Variants in ZNF233 observed in about 807,000 individuals in gnomAD.
ZNF233 encodes zinc finger protein 233.
Under a neutral mutation model 11.6 loss-of-function variants are expected in ZNF233, and 7 were observed. The observed-to-expected ratio is 0.60, with a 90% CI of 0.34 to 1.13. The LOEUF (loss-of-function observed/expected upper bound fraction) is 1.13, where lower values mean the gene tolerates loss of function less well. Ranked by LOEUF, ZNF233 falls within the 50% of genes most tolerant of loss-of-function variation. The pLI is 0.03. For synonymous variants in ZNF233, 226 were observed against 268.5 expected (o/e 0.84, Z 1.55); for missense variants, 711 against 785.5 (o/e 0.91, Z 1.13).
intron 4 of ZNF233, among the ~76,000 whole-genome samples, chr19:44,271,475 G>A (rs1462456336): frequency 6.6e-6 from 1 of 151,318 alleles, no homozygotes; most frequent in African/African-American, 2.4e-5. Flanking sequence ...CCAGGATTTT[G>A]TAGATTTTAT....
At chr19:44,263,446 AC>A (rs1974989001) in intron 1 of ZNF233, among the ~76,000 whole-genome samples, 1 of 152,224 alleles carries the variant, frequency 6.6e-6, no homozygotes, top group South Asian at 2.1e-4. Flanking sequence ...TGTTATTAGT[AC>A]TACAGTATTT....
At position 44,273,303 on chromosome 19, in the gene ZNF233, AG is replaced by A. The variant is rs1268908692; in HGVS notation, c.645del (p.Arg215SerfsTer30). On this transcript the variant is annotated frameshift_variant, in exon 5 of 5. Transcript: ENST00000683810. LOFTEE classifies it low-confidence loss of function (END_TRUNC). ...NKLCKCDHCV[R>X]QRIAHQHDDH... ...GCTCTGTAAATGTGATCATTGTGTT[AG>A]GCAAAGAATTGCTCATCAACATGAT... 39 of 1,614,020 alleles carry A rather than the reference AG, an allele frequency of 2.4e-5. No homozygotes were observed. The highest frequency in any genetic ancestry group is 1.6e-4 in the Middle Eastern group (1 of 6,084).
At position 44,275,167 on chromosome 19, in the gene ZNF233, G is replaced by A; in HGVS notation, c.*494G>A. Reference sequence around the variant, plus strand: ...TCCCTGGAATTGTTTAACTTGATAGGAAAAATCTATCATATATAGGACATA... The same window carrying A: ...TCCCTGGAATTGTTTAACTTGATAGAAAAAATCTATCATATATAGGACATA... On this transcript the variant is annotated 3_prime_UTR_variant, in exon 5 of 5. Coordinates refer to ENST00000683810, the MANE Select transcript of ZNF233 (RefSeq NM_001207005.2). 1 of 381,552 alleles carries A rather than the reference G, an allele frequency of 2.6e-6. No individual in the cohort carries two copies. Among genetic ancestry groups the A allele is most frequent in the Non-Finnish European group, 4.6e-6 (1 of 216,026 alleles). 23.6% of individuals were successfully genotyped at this position (381,552 alleles called of 1,614,324 possible). A position where few individuals can be genotyped will look rare whatever the true frequency, so the allele number is the denominator to read the frequency against.
chr19:44,260,116 C>G (rs550370731), intron 1 of ZNF233, 178 bp downstream of exon 1: 4 of 260,156 alleles, frequency 1.5e-5, no homozygotes, highest in South Asian at 1.2e-4. Flanking sequence ...GGCTCCTGGT[C>G]GCACGTTTGG....
rs769781632 is a variant in ZNF233 at position 44,274,334 on chromosome 19, T to C, written c.1674T>C (p.His558=). 6.8e-6 allele frequency: 11 copies of C among 1,611,176 alleles called. No individual in the cohort carries two copies. In the African/African-American group the frequency reaches 1.2e-4, roughly 18 times the overall value. ...ATCTCCAAGACCATCAGCAAGTCCATACTGGAGAGAATCCCTACAAATGTG... is the reference window on the plus strand; with the variant it reads ...ATCTCCAAGACCATCAGCAAGTCCACACTGGAGAGAATCCCTACAAATGTG... ...SSHLQDHQQV[H]TGENPYKCDV... The change falls in exon 5 of 5, where the codon CAT becomes CAC. Residue 558 remains histidine, a synonymous_variant. Coordinates refer to ENST00000683810, the MANE Select transcript of ZNF233 (RefSeq NM_001207005.2).
At chr19:44,267,676 C>T in intron 4 of ZNF233, 1 of 355,012 alleles carries the variant, frequency 2.8e-6, no homozygotes, top group Non-Finnish European at 5.0e-6. Flanking sequence ...GCCACTGTGC[C>T]CGGCATACAT....
intron 2 of ZNF233, among the ~76,000 whole-genome samples, chr19:44,264,950 T>TA (rs1171398607): frequency 1.3e-5 from 2 of 152,192 alleles, no homozygotes; most frequent in African/African-American, 4.8e-5. Flanking sequence ...AATATTTACT[T>TA]ACAAAAATTA....
Position 44,273,968 on chromosome 19 carries a change from T to G in ZNF233, c.1308T>G (p.Asn436Lys). 1 of 1,613,484 alleles carries G rather than the reference T, an allele frequency of 6.2e-7. No homozygotes were observed. The highest frequency in any genetic ancestry group is 8.5e-7 in the Non-Finnish European group (1 of 1,179,688). ...YKWEVSDRIF[N>K]RNSGLHQRVH... ...GGGAAGTAAGTGACAGGATATTTAA[T>G]AGGAATTCTGGTCTTCACCAGAGAG... The change falls in exon 5 of 5, where the codon AAT becomes AAG. Residue 436 changes from asparagine to lysine, a missense_variant. By Grantham distance (94) the Asn-to-Lys change is moderately conservative. Coordinates refer to ENST00000683810, the MANE Select transcript of ZNF233 (RefSeq NM_001207005.2).
Position 44,274,728 on chromosome 19 carries a change from A to T in ZNF233, c.*55A>T. The T allele has an allele frequency of 1.5e-6, 2 of 1,364,494 alleles. No homozygotes were observed. Among genetic ancestry groups the T allele is most frequent in the African/African-American group, 2.9e-5 (2 of 68,222 alleles). The allele number at this position is 1,364,494 out of a possible 1,614,324, so 84.5% of individuals were successfully genotyped here. ...GTGATAGGGGTGCTCTTCAAGACTT[A>T]GACTTCCCATTTTCCTCAGAAAATC... On this transcript the variant is annotated 3_prime_UTR_variant, in exon 5 of 5. Coordinates refer to ENST00000683810, the MANE Select transcript of ZNF233 (RefSeq NM_001207005.2).
rs45528835 is a variant in ZNF233 at position 44,275,178 on chromosome 19, C to T, written c.*505C>T. 0.067 allele frequency: 24,694 copies of T among 369,514 alleles called. 1,058 individuals are homozygous for T. The highest frequency in any genetic ancestry group is 0.16 in the East Asian group (4,018 of 25,302). 22.9% of individuals were successfully genotyped at this position (369,514 alleles called of 1,614,324 possible). On this transcript the variant is annotated 3_prime_UTR_variant, in exon 5 of 5. Transcript: ENST00000683810. ...GTTTAACTTGATAGGAAAAATCTAT[C>T]ATATATAGGACATATATTTGAATAT...
At chr19:44,265,976 A>G (rs531202935) in intron 2 of ZNF233, among the ~76,000 whole-genome samples, 1 of 152,246 alleles carries the variant, frequency 6.6e-6, no homozygotes, top group African/African-American at 2.4e-5. Context: ...TTAAATACAC[A>G]GGGGTTATTT....
In ZNF233 at chr19:44,274,374, G is replaced by T; in HGVS notation, c.1714G>T (p.Gly572Cys). The T allele has an allele frequency of 6.2e-7, 1 of 1,614,036 alleles. No individual in the cohort carries two copies. The highest frequency in any genetic ancestry group is 8.5e-7 in the Non-Finnish European group (1 of 1,180,014). Reference protein sequence around the residue: ...NPYKCDVCGKGFSWSSHLQAH... With the variant: ...NPYKCDVCGKCFSWSSHLQAH... ...CTACAAATGTGATGTGTGTGGGAAA[G>T]GCTTCAGTTGGAGTTCACATCTTCA... Residue 572 changes from glycine (G) to cysteine (C), a missense_variant, in exon 5 of 5, where the codon GGC becomes TGC. Transcript: ENST00000683810.
rs979844264 is a variant in ZNF233, at chr19:44,274,350, T to A, written c.1690T>A (p.Tyr564Asn). Reference protein sequence around the residue: ...HQQVHTGENPYKCDVCGKGFS... With the variant: ...HQQVHTGENPNKCDVCGKGFS... The stretch of plus-strand genomic sequence containing the variant: ...GCAAGTCCATACTGGAGAGAATCCC[T>A]ACAAATGTGATGTGTGTGGGAAAGG... Residue 564 changes from tyrosine to asparagine, a missense_variant, in exon 5 of 5, where the codon TAC (tyrosine) becomes AAC (asparagine). Coordinates refer to ENST00000683810, the MANE Select transcript of ZNF233 (RefSeq NM_001207005.2). 33 of 1,614,010 alleles carry A rather than the reference T, an allele frequency of 2.0e-5. No homozygotes were observed. The highest frequency in any genetic ancestry group is 2.8e-5 in the Non-Finnish European group (33 of 1,179,980).
chr19:44,274,132 G>A lies in ZNF233; in HGVS notation c.1472G>A (p.Arg491His), dbSNP rs781325188. The change falls in exon 5 of 5, where the codon CGT becomes CAT. Residue 491 changes from arginine to histidine, a missense_variant. Arg to His is a conservative substitution (Grantham distance 29). Coordinates refer to ENST00000683810, the MANE Select transcript of ZNF233 (RefSeq NM_001207005.2). ...KCDVCDKNFS[R>H]NSHLQAHQRV... ...GATGTGTGTGATAAGAACTTCAGCC[G>A]TAATTCCCACCTTCAGGCCCATCAG... is the stretch of plus-strand genomic sequence containing the variant. 26 of 1,613,412 alleles carry A rather than the reference G, an allele frequency of 1.6e-5. No homozygotes were observed. Among genetic ancestry groups the A allele is most frequent in the South Asian group, 6.6e-5 (6 of 91,056 alleles).
intron 1 of ZNF233, 165 bp downstream of exon 1, chr19:44,260,103 A>G: frequency 3.9e-6 from 1 of 259,098 alleles, no homozygotes; most frequent in Non-Finnish European, 8.0e-6. Context: ...CCAAGTTGGG[A>G]ATGGCTCCTG....
rs776284890 is a variant in ZNF233 at position 44,274,595 on chromosome 19, GA to G, written c.1938del (p.Lys646AsnfsTer60). 17 of 1,613,638 alleles carry G rather than the reference GA, an allele frequency of 1.1e-5. No homozygotes were observed. The highest frequency in any genetic ancestry group is 1.0e-5 in the Non-Finnish European group (12 of 1,179,816). The part of the protein sequence containing the change: ...QAHQRVHTGE[K>X]PYKCFVCGKG... ...CCCATCAGAGAGTCCATACTGGAGA[GA>G]AACCATACAAATGTTTTGTGTGTGG... On this transcript the variant is annotated frameshift_variant, in exon 5 of 5. Coordinates refer to ENST00000683810, the MANE Select transcript of ZNF233 (RefSeq NM_001207005.2). LOFTEE classifies it low-confidence loss of function (END_TRUNC).
chr19:44,273,444 G>T lies in ZNF233; in HGVS notation c.784G>T (p.Glu262Ter). The change falls in exon 5 of 5, where the codon GAA becomes TAA. Residue 262 changes from glutamate (E) to a stop codon, truncating the protein, a stop_gained. Coordinates refer to ENST00000683810, the MANE Select transcript of ZNF233 (RefSeq NM_001207005.2). LOFTEE classifies it low-confidence loss of function (END_TRUNC). ...IIQSGEQTSD[E>*]NGKGLSVGSN... ...CCAATCAGGAGAGCAAACCTCTGAT[G>T]AAAATGGAAAAGGCTTAAGTGTTGG... 1 of 1,614,226 alleles carries T rather than the reference G, an allele frequency of 6.2e-7. No individual in the cohort carries two copies. Among genetic ancestry groups the T allele is most frequent in the Non-Finnish European group, 8.5e-7 (1 of 1,180,048 alleles).
intron 2 of ZNF233, among the ~76,000 whole-genome samples, chr19:44,264,880 A>G (rs1182002232): frequency 6.6e-6 from 1 of 152,198 alleles, no homozygotes; most frequent in African/African-American, 2.4e-5. Context: ...ACAAACACAC[A>G]ATGCTGTCTC....
chr19:44,269,614 T>A (rs568313110), intron 4 of ZNF233, among the ~76,000 whole-genome samples: 21 of 152,260 alleles, frequency 1.4e-4, no homozygotes, highest in South Asian at 8.3e-4. Context: ...ACTTTTTTTT[T>A]AATTTTTGGC....
Sources: gnomAD v4.1 joint callset for allele counts (sites outside exome capture counted in the v4.1 genomes callset) on GRCh38, gnomAD v4.1.1 for gene constraint, MANE v1.5 for transcripts, NCBI Gene and HGNC (gene_info 2026-07-23, HGNC 2026-07-21) for gene names.